TMEM132D: variants seen among roughly 807,000 people sequenced by gnomAD.
TMEM132D encodes the protein transmembrane protein 132D, also known as mature OL transmembrane protein.
Under a neutral mutation model 62.3 loss-of-function variants are expected in TMEM132D, and 21 were observed. The observed-to-expected ratio is 0.34, with a 90% confidence interval of 0.24 to 0.49. The LOEUF (loss-of-function observed/expected upper bound fraction) is 0.49. Among genes scored for constraint, TMEM132D ranks in the 20% least tolerant of loss-of-function variants. The pLI is 0.99. For missense variants in TMEM132D, 1,346 were observed against 1,402.8 expected (o/e 0.96, Z 0.65); for synonymous variants, 621 against 575.6 (o/e 1.08, Z -1.13).
At chr12:129,501,065 A>G (rs147006382) in intron 3 of TMEM132D, among the ~76,000 whole-genome samples, 247 of 152,374 alleles carry the variant, frequency 1.6e-3, no homozygotes, top group Non-Finnish European at 3.0e-3. Context: ...TACCATACAT[A>G]AAGAACAGAA....
chr12:129,303,841 G>A (rs949582159), intron 4 of TMEM132D, among the ~76,000 whole-genome samples: 5 of 152,056 alleles, frequency 3.3e-5, no homozygotes, highest in East Asian at 1.9e-4. Flanking sequence ...TTGAGGGGGC[G>A]GGTTGAGCAT....
At chr12:129,690,264 A>C (rs1412339408) in intron 2 of TMEM132D, among the ~76,000 whole-genome samples, 2 of 152,210 alleles carry the variant, frequency 1.3e-5, no homozygotes, top group African/African-American at 4.8e-5. Flanking sequence ...AAGATACTGG[A>C]ATCAGGCAGA....
intron 2 of TMEM132D, among the ~76,000 whole-genome samples, chr12:129,550,463 G>A (rs1239029813): frequency 6.6e-6 from 1 of 152,060 alleles, no homozygotes; most frequent in Non-Finnish European, 1.5e-5. Flanking sequence ...ACAATGCTTG[G>A]CAGCCCACTC....
intron 3 of TMEM132D, among the ~76,000 whole-genome samples, chr12:129,366,792 A>T (rs896142787): frequency 3.9e-5 from 6 of 152,110 alleles, no homozygotes; most frequent in Non-Finnish European, 8.8e-5. Flanking sequence ...GGGGGCCGAG[A>T]ATCCTTCAGC....
At chr12:129,637,620 C>T (rs190658635) in intron 2 of TMEM132D, among the ~76,000 whole-genome samples, 38 of 152,208 alleles carry the variant, frequency 2.5e-4, no homozygotes, top group Non-Finnish European at 3.8e-4. Flanking sequence ...AGCTCCCTAG[C>T]CATGCTTCCT....
At chr12:129,528,902 C>A (rs1467435029) in intron 3 of TMEM132D, among the ~76,000 whole-genome samples, 2 of 152,228 alleles carry the variant, frequency 1.3e-5, no homozygotes, top group Non-Finnish European at 2.9e-5. Context: ...TGTGTAAAAT[C>A]CCTACCTCAA....
chr12:129,218,376 A>T (rs1879267021), intron 4 of TMEM132D, among the ~76,000 whole-genome samples: 1 of 152,196 alleles, frequency 6.6e-6, no homozygotes, highest in Non-Finnish European at 1.5e-5. Context: ...CAAACCTAGA[A>T]GGCAGAGCAT....
chr12:129,381,783 C>G (rs1023073764), intron 3 of TMEM132D, among the ~76,000 whole-genome samples: 3 of 151,988 alleles, frequency 2.0e-5, no homozygotes, highest in Non-Finnish European at 2.9e-5. Flanking sequence ...AAATTTGCAC[C>G]AAATGAATTT....
chr12:129,394,145 A>G (rs189691145), intron 3 of TMEM132D, among the ~76,000 whole-genome samples: 9 of 152,332 alleles, frequency 5.9e-5, no homozygotes, highest in East Asian at 5.8e-4. Context: ...ATGCTGTGCC[A>G]TTGATCAAAC....
intron 5 of TMEM132D, among the ~76,000 whole-genome samples, chr12:129,198,215 G>T (rs996810420): frequency 6.6e-6 from 1 of 152,182 alleles, no homozygotes; most frequent in Admixed American, 6.5e-5. Context: ...GGGAACTTTT[G>T]TACACTGTTG....
intron 4 of TMEM132D, among the ~76,000 whole-genome samples, chr12:129,297,521 A>T (rs1272664750): frequency 6.6e-6 from 1 of 152,260 alleles, no homozygotes; most frequent in Non-Finnish European, 1.5e-5. Flanking sequence ...GCAGCAGGTC[A>T]ACGCCTCTGC....
chr12:129,568,962 G>A (rs1050258094), intron 2 of TMEM132D, among the ~76,000 whole-genome samples: 1 of 152,148 alleles, frequency 6.6e-6, no homozygotes, highest in African/African-American at 2.4e-5. Context: ...ATCACAGAAG[G>A]TTGGGCCCCA....
chr12:129,158,549 A>G (rs145728528), intron 5 of TMEM132D, among the ~76,000 whole-genome samples: 163 of 152,320 alleles, frequency 1.1e-3, no homozygotes, highest in African/African-American at 3.7e-3. Context: ...CCAGGCATTG[A>G]TTGAATCTAT....
Position 129,286,230 on chromosome 12 carries a change from G to A in TMEM132D, c.1299+51404C>T, listed in dbSNP as rs181653083. On this transcript the variant is annotated intron_variant, in intron 4 of 8. Transcript: ENST00000422113. ...GATCATTATAGGAAAAATAGCTGAC[G>A]GCAAAGCAGAAGGAGTACAGAACCC... Among the ~76,000 whole-genome samples the A allele has an allele frequency of 1.7e-4, 26 of 152,270 alleles. No individual in the cohort carries two copies. The East Asian group carries it at 4.8e-3, about 28-fold the overall frequency.
intron 2 of TMEM132D, among the ~76,000 whole-genome samples, chr12:129,552,242 C>T (rs1183025733): frequency 8.6e-6 from 1 of 116,216 alleles, no homozygotes; most frequent in Non-Finnish European, 1.8e-5. Context: ...AACTTTGTAA[C>T]TGTTTTCTTC....
chr12:129,466,557 G>A (rs1368463076), intron 3 of TMEM132D, among the ~76,000 whole-genome samples: 4 of 152,020 alleles, frequency 2.6e-5, no homozygotes, highest in Non-Finnish European at 5.9e-5. Flanking sequence ...CAACTGTTAT[G>A]AATCCTCTAT....
chr12:129,447,959 T>A (rs1000026774), intron 3 of TMEM132D, among the ~76,000 whole-genome samples: 11 of 152,166 alleles, frequency 7.2e-5, no homozygotes, highest in Non-Finnish European at 1.6e-4. Flanking sequence ...CAACAAGAAT[T>A]ATGTCTTATT....
intron 1 of TMEM132D, among the ~76,000 whole-genome samples, chr12:129,848,912 A>C (rs1448970282): frequency 1.3e-5 from 2 of 152,004 alleles, no homozygotes; most frequent in African/African-American, 2.4e-5. Flanking sequence ...TGCTTCCCTC[A>C]ACTTCATCCC....
intron 3 of TMEM132D, among the ~76,000 whole-genome samples, chr12:129,445,026 C>A (rs1262507724): frequency 6.6e-6 from 1 of 152,180 alleles, no homozygotes; most frequent in Non-Finnish European, 1.5e-5. Flanking sequence ...ATGACTCATG[C>A]ACATGAATGT....
Sources: allele counts gnomAD v4.1 joint callset (sites outside exome capture counted in the v4.1 genomes callset), GRCh38; gene constraint gnomAD v4.1.1; transcripts MANE v1.5; gene names NCBI Gene and HGNC (gene_info 2026-07-23, HGNC 2026-07-21).